FSTL4: variants seen among roughly 807,000 people sequenced by gnomAD.
FSTL4 encodes follistatin-related protein 4.
A neutral mutation model predicts 78.2 loss-of-function variants in FSTL4; 28 were observed. The observed-to-expected ratio is 0.36, with a 90% CI of 0.27 to 0.49. FSTL4 has a LOEUF of 0.49. Ranked by LOEUF, FSTL4 falls within the 20% of genes least tolerant of loss-of-function variation. FSTL4 has a pLI of 0.98. For synonymous variants in FSTL4, 422 were observed against 440.5 expected (o/e 0.96, Z 0.53); for missense variants, 922 against 1,084.9 (o/e 0.85, Z 2.11).
At chr5:133,221,899 T>TTTTTTG (rs1561626684) in intron 11 of FSTL4, among the ~76,000 whole-genome samples, 4 of 90,108 alleles carry the variant, frequency 4.4e-5, no homozygotes, top group African/African-American at 3.3e-4. Flanking sequence ...TAGTTTTTTT[T>TTTTTTG]TTTTTTTTTT....
At chr5:133,465,766 G>A (rs1054829831) in intron 3 of FSTL4, among the ~76,000 whole-genome samples, 3 of 152,248 alleles carry the variant, frequency 2.0e-5, no homozygotes, top group Admixed American at 2.0e-4. Context: ...CAGAGGGTCA[G>A]TGCTGTCTAA....
At chr5:133,436,908 G>T (rs1045495269) in intron 3 of FSTL4, among the ~76,000 whole-genome samples, 2 of 152,198 alleles carry the variant, frequency 1.3e-5, no homozygotes, top group Non-Finnish European at 2.9e-5. Flanking sequence ...AGAAAAAACT[G>T]TATTTTGAAT....
At chr5:133,478,051 C>T (rs1047530449) in intron 3 of FSTL4, among the ~76,000 whole-genome samples, 1 of 152,192 alleles carries the variant, frequency 6.6e-6, no homozygotes, top group Non-Finnish European at 1.5e-5. Flanking sequence ...TGGTACATAT[C>T]GTTGTGTGAG....
chr5:133,554,847 G>A (rs1030377013), intron 3 of FSTL4, among the ~76,000 whole-genome samples: 13 of 152,154 alleles, frequency 8.5e-5, no homozygotes, highest in African/African-American at 1.4e-4. Context: ...GATGCGGTAC[G>A]AGAATCAAAC....
chr5:133,565,692 A>G (rs936862938), intron 3 of FSTL4, among the ~76,000 whole-genome samples: 2 of 152,236 alleles, frequency 1.3e-5, no homozygotes, highest in African/African-American at 2.4e-5. Flanking sequence ...GTTTGAAGTC[A>G]TAAGTTCACT....
At chr5:133,468,882 G>C (rs1037765415) in intron 3 of FSTL4, among the ~76,000 whole-genome samples, 1 of 152,188 alleles carries the variant, frequency 6.6e-6, no homozygotes, top group African/African-American at 2.4e-5. Context: ...ACACACGAGG[G>C]AAGAGCTGAG....
At chr5:133,770,083 T>C in the FSTL4 span, among the ~76,000 whole-genome samples, 1 of 152,048 alleles carries the variant, frequency 6.6e-6, no homozygotes, top group African/African-American at 2.4e-5. Flanking sequence ...TGTGGGTGTG[T>C]TTGTGTGTGT....
At chr5:133,682,136 C>T in the FSTL4 span, among the ~76,000 whole-genome samples, 1 of 152,158 alleles carries the variant, frequency 6.6e-6, no homozygotes, top group Non-Finnish European at 1.5e-5. Flanking sequence ...AAGGATAGCC[C>T]CACCCACAGT....
the FSTL4 span, among the ~76,000 whole-genome samples, chr5:133,674,245 G>A: frequency 6.6e-6 from 1 of 152,106 alleles, no homozygotes; most frequent in Non-Finnish European, 1.5e-5. Context: ...AGGCTGTTCT[G>A]CCTTTCCACC....
At chr5:133,495,934 G>C (rs1043013318) in intron 3 of FSTL4, among the ~76,000 whole-genome samples, 1 of 152,202 alleles carries the variant, frequency 6.6e-6, no homozygotes, top group South Asian at 2.1e-4. Context: ...GTAAGTAAGA[G>C]CATAAACGCA....
chr5:133,631,029 A>T, the FSTL4 span, among the ~76,000 whole-genome samples: 1 of 152,218 alleles, frequency 6.6e-6, no homozygotes, highest in Admixed American at 6.5e-5. Flanking sequence ...CGTAAAACCT[A>T]AAACCATTAA....
chr5:133,266,446 T>G (rs1354636190), intron 6 of FSTL4: 1 of 152,306 alleles, frequency 6.6e-6, no homozygotes, highest in Non-Finnish European at 1.5e-5. Flanking sequence ...GGCTTGGCCC[T>G]CTCCCGGCTG....
the FSTL4 span, among the ~76,000 whole-genome samples, chr5:133,802,511 C>A: frequency 1.4e-4 from 22 of 152,220 alleles, no homozygotes; most frequent in Non-Finnish European, 2.9e-5. Flanking sequence ...CCGCCGTCAT[C>A]CCCAGTCAGC....
intron 7 of FSTL4, 47 bp from the exon 8 acceptor site, chr5:133,233,584 G>A (rs750972514): frequency 1.1e-4 from 174 of 1,606,590 alleles, no homozygotes; most frequent in Non-Finnish European, 1.5e-4. Context: ...TTATTGAACG[G>A]GCTGGAAACC....
chr5:133,395,615 T>C (rs1004253090), intron 4 of FSTL4, among the ~76,000 whole-genome samples: 4 of 152,212 alleles, frequency 2.6e-5, no homozygotes, highest in African/African-American at 7.2e-5. Flanking sequence ...TTTCCCCAGC[T>C]TGCTGTGATC....
the FSTL4 span, among the ~76,000 whole-genome samples, chr5:133,764,690 G>T: frequency 6.6e-6 from 1 of 152,164 alleles, no homozygotes; most frequent in Non-Finnish European, 1.5e-5. Context: ...AGAGAAAGCT[G>T]GTACAAGGCC....
At chr5:133,490,025 C>A (rs1300129996) in intron 3 of FSTL4, among the ~76,000 whole-genome samples, 1 of 152,186 alleles carries the variant, frequency 6.6e-6, no homozygotes, top group Non-Finnish European at 1.5e-5. Context: ...GTTCTCAGTA[C>A]AGGACATTCT....
chr5:133,697,640 C>T, the FSTL4 span, among the ~76,000 whole-genome samples: 2 of 152,244 alleles, frequency 1.3e-5, no homozygotes, highest in Admixed American at 6.5e-5. Flanking sequence ...TGGGCCCCTT[C>T]TGGTATGACA....
At chr5:133,325,053 GGCAGCT>G (rs1366036510) in intron 4 of FSTL4, among the ~76,000 whole-genome samples, 1 of 152,368 alleles carries the variant, frequency 6.6e-6, no homozygotes, top group East Asian at 1.9e-4. Context: ...GTGGGCACAA[GGCAGCT>G]GCCTGGGAAT....
Sources: allele counts gnomAD v4.1 joint callset (sites outside exome capture counted in the v4.1 genomes callset), GRCh38; gene constraint gnomAD v4.1.1; transcripts MANE v1.5; gene names NCBI Gene and HGNC (gene_info 2026-07-23, HGNC 2026-07-21).